PLEKHG5: variants seen among roughly 807,000 people sequenced by gnomAD.
The protein encoded by PLEKHG5 is pleckstrin homology domain-containing family G member 5.
Under a neutral mutation model 103.8 loss-of-function variants are expected in PLEKHG5, and 52 were observed. The observed-to-expected ratio is 0.50, with a 90% confidence interval of 0.40 to 0.63. The LOEUF is 0.63. PLEKHG5 is among the 30% of genes least tolerant of loss of function. The pLI, the probability that PLEKHG5 is intolerant of heterozygous loss-of-function variation, is 0.00. For synonymous variants in PLEKHG5, 592 were observed against 575.5 expected (o/e 1.03, Z -0.41); for missense variants, 1,205 against 1,347.6 (o/e 0.89, Z 1.66).
intron 1 of PLEKHG5, among the ~76,000 whole-genome samples, chr1:6,511,744 A>G (rs1638477264): frequency 6.6e-6 from 1 of 152,216 alleles, no homozygotes; most frequent in African/African-American, 2.4e-5. Context: ...TGGAGTGGGC[A>G]CTGCAGGCTG....
Position 6,468,024 on chromosome 1 carries a change from C to T in PLEKHG5, c.2812G>A (p.Gly938Ser), listed in dbSNP as rs573883242. ...GCCAGGCAGCCGACTAGCCCAGGAC[C>T]GCTGCCAGGGCTAGGGGCCCCTCGG... ...DCRGAPSPGS[G>S]PGLVGCLAGE... The change falls in exon 20 of 21, where the codon GGT becomes AGT. Residue 938 changes from glycine (G) to serine (S), a missense_variant. Gly to Ser is a moderately conservative substitution (Grantham distance 56). Transcript: ENST00000377728. 5.8e-6 allele frequency: 9 copies of T among 1,553,400 alleles called. No individual in the cohort carries two copies. The highest frequency in any genetic ancestry group is 2.3e-5 in the South Asian group (2 of 85,284).
chr1:6,470,145 C>G (rs1366155430), intron 16 of PLEKHG5, 91 bp downstream of exon 16: 2 of 1,412,786 alleles, frequency 1.4e-6, no homozygotes, highest in African/African-American at 1.4e-5. Flanking sequence ...GAGTAACCAC[C>G]GAAGGGACTG....
intron 4 of PLEKHG5, 93 bp from the exon 5 acceptor site, chr1:6,475,231 A>G (rs1446493477): frequency 3.9e-5 from 12 of 309,258 alleles, no homozygotes; most frequent in East Asian, 2.0e-4. Context: ...CTCCTTCCCA[A>G]CCCTCCTCCC....
intron 1 of PLEKHG5, among the ~76,000 whole-genome samples, chr1:6,504,253 C>A (rs953258052): frequency 2.0e-5 from 3 of 152,086 alleles, no homozygotes; most frequent in Non-Finnish European, 1.5e-5. Context: ...GGAGATTTGC[C>A]CCCCCAACAT....
chr1:6,479,066 C>A (rs1644835158), intron 1 of PLEKHG5, among the ~76,000 whole-genome samples: 1 of 152,112 alleles, frequency 6.6e-6, no homozygotes, highest in Non-Finnish European at 1.5e-5. Flanking sequence ...CTTCTCGGCA[C>A]CCCCCTCCCC....
chr1:6,496,601 C>T (rs897241703), upstream of PLEKHG5: 18 of 1,489,446 alleles, frequency 1.2e-5, no homozygotes, highest in African/African-American at 4.3e-5. Context: ...CATCAGTCAG[C>T]GGGGCACCCA....
At chr1:6,502,218 C>T (rs1471072017) in intron 1 of PLEKHG5, among the ~76,000 whole-genome samples, 1 of 152,272 alleles carries the variant, frequency 6.6e-6, no homozygotes, top group East Asian at 1.9e-4. Context: ...CCGCCACTCC[C>T]TATGCAGGAC....
upstream of PLEKHG5, among the ~76,000 whole-genome samples, chr1:6,498,367 C>T (rs1234224602): frequency 2.0e-5 from 3 of 152,206 alleles, no homozygotes; most frequent in Non-Finnish European, 2.9e-5. Flanking sequence ...GGGCTGGGTC[C>T]GGCCCTGGGA....
intron 16 of PLEKHG5, 124 bp downstream of exon 16, chr1:6,470,112 C>T: frequency 1.8e-6 from 2 of 1,096,868 alleles, no homozygotes; most frequent in Non-Finnish European, 2.7e-6. Context: ...CTGTCATTCA[C>T]TATGACAAGG....
chr1:6,487,551 G>C lies in PLEKHG5; in HGVS notation c.-88+4086C>G, dbSNP rs143637453. Among the ~76,000 whole-genome samples, 13 of 152,230 alleles carry C rather than the reference G, an allele frequency of 8.5e-5. No individual in the cohort carries two copies. In the East Asian group the frequency reaches 2.1e-3, roughly 25 times the overall value. On this transcript the variant is annotated intron_variant, in intron 1 of 20. Transcript: ENST00000377728. This position sits in a 1 kb window ranked among gnomAD's most constrained non-coding sequence, Gnocchi z 4.1. ...GGTCTTCCTTCTCTCCCTACAGCTC[G>C]CCAAGCTCAGGGCCTTCTCCTCTGT...
At chr1:6,502,660 G>T (rs1313779717) in intron 1 of PLEKHG5, among the ~76,000 whole-genome samples, 1 of 152,202 alleles carries the variant, frequency 6.6e-6, no homozygotes, top group African/African-American at 2.4e-5. Flanking sequence ...CGGAACAGGA[G>T]CGGGGCTGCA....
At chr1:6,472,378 C>CT in intron 10 of PLEKHG5, 149 bp downstream of exon 10, 1 of 691,426 alleles carries the variant, frequency 1.4e-6, no homozygotes, top group East Asian at 2.7e-5. Flanking sequence ...TAGGAGGCAC[C>CT]TCCTCCCTGG....
intron 1 of PLEKHG5, among the ~76,000 whole-genome samples, chr1:6,502,644 C>G (rs1366075904): frequency 6.6e-6 from 1 of 152,240 alleles, no homozygotes; most frequent in Non-Finnish European, 1.5e-5. Flanking sequence ...CGAGAGTGAC[C>G]AAGGGCGGAA....
exon 1 of PLEKHG5, chr1:6,519,819 T>C: frequency 2.0e-6 from 1 of 489,194 alleles, no homozygotes. Context: ...GGTGGTTGGT[T>C]CCTTCTTGGA....
upstream of PLEKHG5, among the ~76,000 whole-genome samples, chr1:6,494,097 A>G (rs886477829): frequency 6.3e-5 from 8 of 127,098 alleles, no homozygotes; most frequent in African/African-American, 2.4e-4. Context: ...AATTACAGGT[A>G]CCCACCACCA....
rs749072819 is a variant in PLEKHG5, at chr1:6,469,450, C to G, written c.1934G>C (p.Gly645Ala). 5 of 1,613,706 alleles carry G rather than the reference C, an allele frequency of 3.1e-6. No homozygotes were observed. The highest frequency in any genetic ancestry group is 4.2e-6 in the Non-Finnish European group (5 of 1,179,886). ...KIVCRELRDP[G>A]SFLLIYLNEF... ...ATTCAGGTAGATAAGGAGGAAGGACCCTGGTTAGGGAAGGCCCAAGTCAGT... is the reference window on the plus strand; with the variant it reads ...ATTCAGGTAGATAAGGAGGAAGGACGCTGGTTAGGGAAGGCCCAAGTCAGT... Residue 645 changes from glycine to alanine, a missense_variant and splice_region_variant, in exon 18 of 21, where the codon GGG (glycine) becomes GCG (alanine). Physicochemically the swap from Gly to Ala is moderately conservative, Grantham distance 60. Transcript: ENST00000377728.
In PLEKHG5 at chr1:6,472,552, A is replaced by T; in HGVS notation, c.1055T>A (p.Ile352Asn). 2.5e-6 allele frequency: 4 copies of T among 1,613,400 alleles called. No homozygotes were observed. The highest frequency in any genetic ancestry group is 3.4e-6 in the Non-Finnish European group (4 of 1,179,628). ...WELLHTEASY[I>N]RKLRVIINLF... The stretch of plus-strand genomic sequence containing the variant: ...GTTGATGATCACCCGCAGTTTCCTG[A>T]TGTAGGAGGCCTCCGTGTGCAGCAG... Residue 352 changes from isoleucine to asparagine, a missense_variant, in exon 10 of 21, where the codon ATC becomes AAC. Ile to Asn is a moderately radical substitution (Grantham distance 149). Transcript: ENST00000377728.
intron 1 of PLEKHG5, among the ~76,000 whole-genome samples, chr1:6,503,908 G>C (rs1163430035): frequency 6.7e-6 from 1 of 150,026 alleles, no homozygotes; most frequent in Non-Finnish European, 1.5e-5. Flanking sequence ...ATCCCAAGGG[G>C]AGGGACCAGC....
In PLEKHG5 at chr1:6,477,607, G is replaced by A; in HGVS notation, c.-36C>T. On this transcript the variant is annotated 5_prime_UTR_variant, in exon 2 of 21. Coordinates refer to ENST00000377728, the MANE Select transcript of PLEKHG5 (RefSeq NM_020631.6). ...AACTTGCTGTCACAGGCCTCGCAGA[G>A]GTTGAGGGGCCCCCGGCGGTGCAGC... 1 of 1,611,174 alleles carries A rather than the reference G, an allele frequency of 6.2e-7. No homozygotes were observed. The highest frequency in any genetic ancestry group is 1.3e-5 in the African/African-American group (1 of 75,046).
Sources: allele counts gnomAD v4.1 joint callset (sites outside exome capture counted in the v4.1 genomes callset), GRCh38; gene constraint gnomAD v4.1.1; non-coding constraint Gnocchi (gnomAD v3.1); transcripts MANE v1.5; gene names NCBI Gene and HGNC (gene_info 2026-07-23, HGNC 2026-07-21).